Variants in PCNX4 observed in about 807,000 individuals in gnomAD.
PCNX4 encodes the protein pecanex 4.
In PCNX4, 103 loss-of-function variants were observed where a neutral mutation model predicts 107.2. The observed-to-expected ratio is 0.96, with a 90% confidence interval of 0.82 to 1.13. The LOEUF (loss-of-function observed/expected upper bound fraction) is 1.13. Among genes scored for constraint, PCNX4 ranks in the 50% most tolerant of loss-of-function variants. PCNX4 has a pLI of 0.00. For missense variants in PCNX4, 1,528 were observed against 1,379.4 expected, an observed-to-expected ratio of 1.11 and a Z score of -1.71; for synonymous variants, 541 against 481.7, an observed-to-expected ratio of 1.12 and a Z score of -1.61.
Position 60,114,668 on chromosome 14 carries a change from G to A in PCNX4, c.690-32G>A, listed in dbSNP as rs544745267. 135 of 1,553,728 alleles carry A rather than the reference G, an allele frequency of 8.7e-5. 1 individual carries two copies. In the East Asian group the frequency reaches 1.9e-3, roughly 22 times the overall value. On this transcript the variant is annotated intron_variant, in intron 2 of 10. Transcript: ENST00000406854. ...TAAAAGATCCTCTTCTATATATTTC[G>A]TGTGATTTAAATGTTCTTTTTTTTT...
chr14:60,096,525 C>T (rs1895428373), intron 1 of PCNX4, among the ~76,000 whole-genome samples: 1 of 152,182 alleles, frequency 6.6e-6, no homozygotes, highest in Non-Finnish European at 1.5e-5. Context: ...ATTACTCGTC[C>T]TTGTGCCCAG....
At chr14:60,120,572 A>G (rs1442077119) in intron 7 of PCNX4, among the ~76,000 whole-genome samples, 2 of 152,218 alleles carry the variant, frequency 1.3e-5, no homozygotes, top group Non-Finnish European at 2.9e-5. Context: ...TTTCTGCAAC[A>G]TTATTTACAA....
intron 2 of PCNX4, chr14:60,109,930 A>G (rs1037413598): frequency 4.2e-5 from 7 of 167,166 alleles, no homozygotes; most frequent in African/African-American, 1.2e-4. Flanking sequence ...AGCAGTGTTG[A>G]AAGGAGCAGT....
chr14:60,124,898 A>G lies in PCNX4; in HGVS notation c.2727A>G (p.Leu909=), dbSNP rs1473726530. 6.2e-7 allele frequency: 1 copy of G among 1,613,850 alleles called. No individual in the cohort carries two copies. The highest frequency in any genetic ancestry group is 1.7e-5 in the Admixed American group (1 of 60,012). ...AGTTCAGTTGTTCACATTCTCACTT[A>G]GTATGCTTACCCGCAGAGTGGAGGA... ...LMEFSCSHSH[L]VCLPAEWRTS... The change falls in exon 9 of 11, where the codon TTA becomes TTG. Residue 909 remains leucine, a synonymous_variant. Coordinates refer to ENST00000406854, the MANE Select transcript of PCNX4 (RefSeq NM_001330177.2).
intron 10 of PCNX4, among the ~76,000 whole-genome samples, chr14:60,126,777 C>T (rs1221513544): frequency 2.6e-5 from 4 of 152,162 alleles, no homozygotes; most frequent in South Asian, 2.1e-4. Flanking sequence ...TCTGGCCAAC[C>T]GCACTTACGG....
intron 10 of PCNX4, among the ~76,000 whole-genome samples, chr14:60,132,650 C>A (rs1896175562): frequency 6.6e-6 from 1 of 151,568 alleles, no homozygotes; most frequent in Admixed American, 6.6e-5. Flanking sequence ...CAAAGGACAC[C>A]ATCAAAAAAG....
At chr14:60,097,871 G>A (rs1895455103) in intron 1 of PCNX4, among the ~76,000 whole-genome samples, 1 of 152,154 alleles carries the variant, frequency 6.6e-6, no homozygotes, top group Non-Finnish European at 1.5e-5. Flanking sequence ...TGTTATTTCT[G>A]CAGTCAATCC....
intron 1 of PCNX4, 118 bp from the exon 2 acceptor site, chr14:60,107,468 C>T (rs45599132): frequency 0.014 from 8,664 of 620,164 alleles, 86 homozygotes; most frequent in South Asian, 0.03. Context: ...CTGAGAAGTA[C>T]AGTTATAAAT....
At position 60,107,557 on chromosome 14, in the gene PCNX4, A is replaced by G. The variant is rs1253424645; in HGVS notation, c.-53-29A>G. On this transcript the variant is annotated intron_variant, in intron 1 of 10. Coordinates refer to ENST00000406854, the MANE Select transcript of PCNX4 (RefSeq NM_001330177.2). ...TAGGTTTTAAATGACATTTTCAAAC[A>G]GTGACTTTTTTTAATTTTTATTTTT... 3.3e-6 allele frequency: 4 copies of G among 1,218,374 alleles called. No homozygotes were observed. The East Asian group carries it at 9.8e-5, about 30-fold the overall frequency. The allele number at this position is 1,218,374 out of a possible 1,614,324, so 75.5% of individuals were successfully genotyped here. A position where few individuals can be genotyped will look rare whatever the true frequency, so the allele number is the denominator to read the frequency against.
At chr14:60,098,090 T>G (rs219306) in intron 1 of PCNX4, among the ~76,000 whole-genome samples, 8 of 151,972 alleles carry the variant, frequency 5.3e-5, no homozygotes, top group Admixed American at 2.0e-4. Flanking sequence ...AAGGTCAGCA[T>G]GAACATAAAT....
At position 60,103,735 on chromosome 14, in the gene PCNX4, A is replaced by G. The variant is rs549885653; in HGVS notation, c.-53-3851A>G. Among the ~76,000 whole-genome samples, 42 of 152,304 alleles carry G rather than the reference A, an allele frequency of 2.8e-4. 2 individuals carry two copies. In the South Asian group the frequency reaches 8.5e-3, roughly 31 times the overall value. ...TTGCTGATGATGGAGATTAAAGCAT[A>G]GTAAGGGACAGGGAGCAAATTAAAA... On this transcript the variant is annotated intron_variant, in intron 1 of 10. Coordinates refer to ENST00000406854, the MANE Select transcript of PCNX4 (RefSeq NM_001330177.2).
Position 60,134,622 on chromosome 14 carries a change from A to G in PCNX4, c.*401A>G, listed in dbSNP as rs1171376180. Reference sequence around the variant, plus strand: ...ACATATCAGTGTTCTAAGTAGTGATAATGGATCCTGTTGAAGGTTAACATA... The same window carrying G: ...ACATATCAGTGTTCTAAGTAGTGATGATGGATCCTGTTGAAGGTTAACATA... On this transcript the variant is annotated 3_prime_UTR_variant, in exon 11 of 11. Transcript: ENST00000406854. 6.1e-6 allele frequency: 1 copy of G among 164,460 alleles called. No individual in the cohort carries two copies. The highest frequency in any genetic ancestry group is 1.3e-5 in the Non-Finnish European group (1 of 75,828). 10.2% of individuals were successfully genotyped at this position (164,460 alleles called of 1,614,324 possible).
chr14:60,107,746 C>T lies in PCNX4; in HGVS notation c.108C>T (p.Ala36=). 3.7e-6 allele frequency: 6 copies of T among 1,612,572 alleles called. No individual in the cohort carries two copies. The highest frequency in any genetic ancestry group is 5.1e-6 in the Non-Finnish European group (6 of 1,179,710). Residue 36 remains alanine (A), a synonymous_variant, in exon 2 of 11, where the codon GCC becomes GCT. Coordinates refer to ENST00000406854, the MANE Select transcript of PCNX4 (RefSeq NM_001330177.2). ...GGPRFKLGYC[A]PPYIYVNQII... ...CTCGATTCAAATTAGGCTATTGTGCCCCTCCTTACATATATGTTAATCAAA... is the reference window on the plus strand; with the variant it reads ...CTCGATTCAAATTAGGCTATTGTGCTCCTCCTTACATATATGTTAATCAAA...
chr14:60,108,233 A>G lies in PCNX4; in HGVS notation c.595A>G (p.Thr199Ala). 1.2e-6 allele frequency: 2 copies of G among 1,612,690 alleles called. No individual in the cohort carries two copies. Among genetic ancestry groups the G allele is most frequent in the Admixed American group, 1.7e-5 (1 of 60,034 alleles). Residue 199 changes from threonine to alanine, a missense_variant, in exon 2 of 11, where the codon ACT becomes GCT. Thr to Ala is a moderately conservative substitution (Grantham distance 58). Transcript: ENST00000406854. The stretch of plus-strand genomic sequence containing the variant: ...TTTAATTGTAAACACAGCTACAGAG[A>G]CTGCGACTTTCCAAACACAGGATAC... ...YSLIVNTATE[T>A]ATFQTQDTYE...
chr14:60,108,449 G>A (rs923981907), intron 2 of PCNX4, 122 bp downstream of exon 2: 1 of 679,928 alleles, frequency 1.5e-6, no homozygotes, highest in Non-Finnish European at 2.4e-6. Context: ...ACCATTGGGT[G>A]ACAGGTTATT....
chr14:60,116,020 G>T lies in PCNX4; in HGVS notation c.1538G>T (p.Trp513Leu). Reference sequence around the variant, plus strand: ...CACTTGATCTCCAGTACAGACATATGGTGGAACAGAAGCCTGGATACAGGA... The same window carrying T: ...CACTTGATCTCCAGTACAGACATATTGTGGAACAGAAGCCTGGATACAGGA... ...TVHLISSTDI[W>L]WNRSLDTGLR... Residue 513 changes from tryptophan (W) to leucine (L), a missense_variant, in exon 6 of 11, where the codon TGG (tryptophan) becomes TTG (leucine). Trp to Leu is a moderately conservative substitution (Grantham distance 61). Coordinates refer to ENST00000406854, the MANE Select transcript of PCNX4 (RefSeq NM_001330177.2). 6.2e-7 allele frequency: 1 copy of T among 1,612,684 alleles called. No individual in the cohort carries two copies. The highest frequency in any genetic ancestry group is 1.1e-5 in the South Asian group (1 of 90,730).
chr14:60,136,237 C>T lies in PCNX4; in HGVS notation c.*2016C>T, dbSNP rs1346590998. ...TTTCTTTTGAACTTTCCTGACACTA[C>T]ATTATCTTTGTTTTCTTCTTATCTT... is the stretch of plus-strand genomic sequence containing the variant. On this transcript the variant is annotated 3_prime_UTR_variant, in exon 11 of 11. Coordinates refer to ENST00000406854, the MANE Select transcript of PCNX4 (RefSeq NM_001330177.2). 6.6e-6 allele frequency: 1 copy of T among 152,158 alleles called. No individual in the cohort carries two copies. The highest frequency in any genetic ancestry group is 1.5e-5 in the Non-Finnish European group (1 of 68,030). 9.4% of individuals were successfully genotyped at this position (152,158 alleles called of 1,614,324 possible).
At chr14:60,124,068 TAAGTC>T in intron 8 of PCNX4, 145 bp from the exon 9 acceptor site, 2 of 575,314 alleles carry the variant, frequency 3.5e-6, no homozygotes, top group Non-Finnish European at 5.8e-6. Context: ...CCATTAACTT[TAAGTC>T]AGGATGTTGC....
At position 60,136,238 on chromosome 14, in the gene PCNX4, A is replaced by AT. The variant is rs1015448650; in HGVS notation, c.*2019dup. ...TTCTTTTGAACTTTCCTGACACTAC[A>AT]TTATCTTTGTTTTCTTCTTATCTTC... On this transcript the variant is annotated 3_prime_UTR_variant, in exon 11 of 11. Transcript: ENST00000406854. 2 of 152,106 alleles carry AT rather than the reference A, an allele frequency of 1.3e-5. No individual in the cohort carries two copies. The highest frequency in any genetic ancestry group is 4.8e-5 in the African/African-American group (2 of 41,416). The allele number at this position is 152,106 out of a possible 1,614,324, so 9.4% of individuals were successfully genotyped here. A position where few individuals can be genotyped will look rare whatever the true frequency, so the allele number is the denominator to read the frequency against.
Sources: allele counts gnomAD v4.1 joint callset (sites outside exome capture counted in the v4.1 genomes callset), GRCh38; gene constraint gnomAD v4.1.1; transcripts MANE v1.5; gene names NCBI Gene and HGNC (gene_info 2026-07-23, HGNC 2026-07-21).